The following UNC5C variants were observed in gnomAD, a reference collection of about 807,000 sequenced individuals.
The protein encoded by UNC5C is unc-5 netrin receptor C.
UNC5C carries 47 observed loss-of-function variants against 99.8 expected under a neutral mutation model. That is an observed-to-expected ratio of 0.47 (90% CI 0.37 to 0.60). The LOEUF (loss-of-function observed/expected upper bound fraction) is 0.60. Among genes scored for constraint, UNC5C ranks in the 20% least tolerant of loss-of-function variants. The pLI is 0.00. For synonymous variants in UNC5C, 487 were observed against 452.2 expected (o/e 1.08, Z -0.98); for missense variants, 1,062 against 1,165.9 (o/e 0.91, Z 1.30).
chr4:95,476,397 A>T (rs1299464229), intron 1 of UNC5C, among the ~76,000 whole-genome samples: 1 of 152,082 alleles, frequency 6.6e-6, no homozygotes. Flanking sequence ...GGAATGTCAC[A>T]GTTTGGGGAT....
Position 95,449,138 on chromosome 4 carries a change from C to A in UNC5C, c.124+99596G>T, listed in dbSNP as rs1338607431. Among the ~76,000 whole-genome samples the A allele has an allele frequency of 2.0e-5, 3 of 152,108 alleles. No individual in the cohort carries two copies. The East Asian group carries it at 5.8e-4, about 29-fold the overall frequency. ...TACTTTGTTCTAGACCTGGCAGGAC[C>A]CAGAGGGAACATCCATACCTGGTAA... On this transcript the variant is annotated intron_variant, in intron 1 of 15. Coordinates refer to ENST00000453304, the MANE Select transcript of UNC5C (RefSeq NM_003728.4).
chr4:95,286,873 T>A (rs1741256330), intron 3 of UNC5C, among the ~76,000 whole-genome samples: 1 of 152,184 alleles, frequency 6.6e-6, no homozygotes, highest in African/African-American at 2.4e-5. Context: ...TTATGAGATT[T>A]TTTTTTCTAA....
At chr4:95,542,498 G>A (rs910107772) in intron 1 of UNC5C, among the ~76,000 whole-genome samples, 1 of 152,060 alleles carries the variant, frequency 6.6e-6, no homozygotes, top group Admixed American at 6.6e-5. Flanking sequence ...TAATGTCATG[G>A]CAACTTTAAC....
intron 1 of UNC5C, among the ~76,000 whole-genome samples, chr4:95,403,951 A>T (rs1183733111): frequency 1.3e-5 from 2 of 152,242 alleles, no homozygotes. Flanking sequence ...TGTGGTGAGT[A>T]CATTAGACAT....
At chr4:95,404,232 A>G (rs116576071) in intron 1 of UNC5C, among the ~76,000 whole-genome samples, 1,813 of 152,288 alleles carry the variant, frequency 0.012, 40 homozygotes, top group African/African-American at 0.042. Flanking sequence ...TCAAAGGGAA[A>G]TAGAATATTT....
intron 2 of UNC5C, among the ~76,000 whole-genome samples, chr4:95,312,685 G>A (rs41523747): frequency 0.015 from 2,254 of 152,202 alleles, 55 homozygotes; most frequent in African/African-American, 0.05. Flanking sequence ...CAATATTCCT[G>A]AAACTATGTC....
intron 4 of UNC5C, among the ~76,000 whole-genome samples, chr4:95,269,768 A>G (rs965642114): frequency 6.6e-6 from 1 of 151,846 alleles, no homozygotes; most frequent in African/African-American, 2.4e-5. Context: ...GCTGGAGTAC[A>G]ATGGTGCAAT....
At chr4:95,444,439 C>G (rs1747037448) in intron 1 of UNC5C, among the ~76,000 whole-genome samples, 2 of 151,688 alleles carry the variant, frequency 1.3e-5, no homozygotes, top group African/African-American at 2.4e-5. Flanking sequence ...TCACGCCATT[C>G]TCCTGCCTCA....
chr4:95,509,705 C>A (rs1435514122), intron 1 of UNC5C, among the ~76,000 whole-genome samples: 1 of 151,642 alleles, frequency 6.6e-6, no homozygotes, highest in African/African-American at 2.4e-5. Context: ...TATGTATGTT[C>A]ATTTAATTGT....
chr4:95,479,521 C>T (rs991414962), intron 1 of UNC5C, among the ~76,000 whole-genome samples: 1 of 151,930 alleles, frequency 6.6e-6, no homozygotes, highest in African/African-American at 2.4e-5. Flanking sequence ...TTATTCCTCT[C>T]AGTTAACTAA....
intron 1 of UNC5C, among the ~76,000 whole-genome samples, chr4:95,455,343 G>A (rs905906237): frequency 5.3e-5 from 8 of 152,082 alleles, no homozygotes; most frequent in African/African-American, 1.9e-4. Flanking sequence ...GATTGCATTT[G>A]GTGTCCATCT....
chr4:95,515,963 C>G (rs889902321), intron 1 of UNC5C, among the ~76,000 whole-genome samples: 1 of 152,048 alleles, frequency 6.6e-6, no homozygotes, highest in Admixed American at 6.5e-5. Context: ...TATTAATGCT[C>G]TATGTGCATG....
At chr4:95,220,332 G>T (rs1162806318) in intron 7 of UNC5C, among the ~76,000 whole-genome samples, 156 bp from the exon 8 acceptor site, 1 of 152,152 alleles carries the variant, frequency 6.6e-6, no homozygotes, top group Admixed American at 6.5e-5. Context: ...TGGCCTTTCA[G>T]TGGAAAATTG....
At chr4:95,283,217 C>T (rs1222435061) in intron 3 of UNC5C, among the ~76,000 whole-genome samples, 3 of 152,024 alleles carry the variant, frequency 2.0e-5, no homozygotes, top group Non-Finnish European at 4.4e-5. Flanking sequence ...TTATGTAGGC[C>T]CTTATTTCCT....
chr4:95,364,542 C>T (rs902798683), intron 1 of UNC5C, among the ~76,000 whole-genome samples: 2 of 152,174 alleles, frequency 1.3e-5, no homozygotes, highest in African/African-American at 4.8e-5. Flanking sequence ...GTGTGGCACC[C>T]TGTAAAATGT....
intron 3 of UNC5C, among the ~76,000 whole-genome samples, chr4:95,283,380 C>T (rs1741127341): frequency 6.6e-6 from 1 of 152,202 alleles, no homozygotes; most frequent in South Asian, 2.1e-4. Context: ...TAACCCCCTA[C>T]AAGGCAATAC....
chr4:95,243,211 T>A (rs1463070462), intron 6 of UNC5C, among the ~76,000 whole-genome samples: 2 of 152,224 alleles, frequency 1.3e-5, no homozygotes, highest in Non-Finnish European at 2.9e-5. Context: ...TCATTTATTA[T>A]TTGATGATGT....
At chr4:95,473,673 G>A (rs978210084) in intron 1 of UNC5C, among the ~76,000 whole-genome samples, 1 of 152,086 alleles carries the variant, frequency 6.6e-6, no homozygotes, top group Non-Finnish European at 1.5e-5. Context: ...TATTAGAGAT[G>A]GTCACACACA....
intron 1 of UNC5C, among the ~76,000 whole-genome samples, chr4:95,338,041 T>C (rs1047910467): frequency 1.3e-5 from 2 of 151,992 alleles, no homozygotes; most frequent in Non-Finnish European, 2.9e-5. Flanking sequence ...GATATTAATA[T>C]AGAAAATTCA....
Sources: gnomAD v4.1 joint callset for allele counts (sites outside exome capture counted in the v4.1 genomes callset) on GRCh38, gnomAD v4.1.1 for gene constraint, MANE v1.5 for transcripts, NCBI Gene and HGNC (gene_info 2026-07-23, HGNC 2026-07-21) for gene names.